Variants in NCAPD3 observed in about 807,000 individuals in gnomAD.
NCAPD3 encodes non-SMC condensin II complex subunit D3.
In NCAPD3, 105 loss-of-function variants were observed where a neutral mutation model predicts 182.9. The observed-to-expected ratio is 0.57, with a 90% CI of 0.49 to 0.68. The LOEUF (loss-of-function observed/expected upper bound fraction) is 0.68. Ranked by LOEUF, NCAPD3 falls within the 30% of genes least tolerant of loss-of-function variation. The pLI is 0.00. For missense variants in NCAPD3, 1,944 were observed against 1,837.0 expected (o/e 1.06, Z -1.07); for synonymous variants, 815 against 679.9 (o/e 1.20, Z -3.09).
intron 27 of NCAPD3, among the ~76,000 whole-genome samples, chr11:134,165,381 C>A (rs1943744419): frequency 6.7e-6 from 1 of 148,444 alleles, no homozygotes; most frequent in East Asian, 2.0e-4. Context: ...GTGAGATAAG[C>A]TTCGGGGAAG....
chr11:134,158,195 G>C (rs1173886313), intron 30 of NCAPD3, 128 bp from the exon 31 acceptor site: 1 of 1,518,490 alleles, frequency 6.6e-7, no homozygotes, highest in Non-Finnish European at 9.0e-7. Flanking sequence ...AACCTCCCAG[G>C]GCACAGTGTG....
upstream of NCAPD3, chr11:134,225,028 G>A (rs923497080): frequency 4.0e-5 from 48 of 1,198,472 alleles, no homozygotes; most frequent in Non-Finnish European, 5.1e-5. Flanking sequence ...GAGCGCGCTC[G>A]CGCATCGGGC....
intron 27 of NCAPD3, among the ~76,000 whole-genome samples, chr11:134,163,871 C>CAAAAAAA (rs60340458): frequency 2.5e-4 from 18 of 70,726 alleles, no homozygotes; most frequent in Non-Finnish European, 3.3e-4. Flanking sequence ...GATTCTGTCT[C>CAAAAAAA]AAAAAAAAAA....
At position 134,158,208 on chromosome 11, in the gene NCAPD3, G is replaced by A. The variant is rs942905949; in HGVS notation, c.4034+121C>T. The A allele has an allele frequency of 2.6e-6, 4 of 1,521,400 alleles. No individual in the cohort carries two copies. The Admixed American group carries it at 7.1e-5, about 27-fold the overall frequency. The allele number at this position is 1,521,400 out of a possible 1,614,324, so 94.2% of individuals were successfully genotyped here. ...CAAACCTCCCAGGGCACAGTGTGGA[G>A]CGGGGTGGCAGGCCAGACAATGACA... On this transcript the variant is annotated intron_variant, in intron 30 of 34. Transcript: ENST00000534548.
At chr11:134,165,502 GC>G (rs1477462107) in intron 27 of NCAPD3, among the ~76,000 whole-genome samples, 2 of 144,440 alleles carry the variant, frequency 1.4e-5, no homozygotes, top group Admixed American at 6.9e-5. Flanking sequence ...TGTGAGATGA[GC>G]TTACGGGAGC....
intron 24 of NCAPD3, chr11:134,173,118 C>G (rs1051252730): frequency 6.5e-6 from 1 of 153,698 alleles, no homozygotes; most frequent in South Asian, 1.8e-4. Flanking sequence ...CCAGCTCTAG[C>G]CCCTGTGGCC....
intron 24 of NCAPD3, among the ~76,000 whole-genome samples, chr11:134,174,638 CAGG>C (rs1944114740): frequency 1.3e-5 from 2 of 152,024 alleles, no homozygotes; most frequent in African/African-American, 4.8e-5. Flanking sequence ...TATAAAATTA[CAGG>C]AGGAGTACAG....
At chr11:134,155,351 C>T (rs1378580936) in intron 32 of NCAPD3, among the ~76,000 whole-genome samples, 3 of 152,130 alleles carry the variant, frequency 2.0e-5, no homozygotes, top group Non-Finnish European at 4.4e-5. Flanking sequence ...GAAAACAGAA[C>T]TGAGTGCTTT....
chr11:134,211,996 C>T (rs1350614636), intron 3 of NCAPD3, among the ~76,000 whole-genome samples: 1 of 152,072 alleles, frequency 6.6e-6, no homozygotes, highest in East Asian at 1.9e-4. Context: ...ATCCAAGAAG[C>T]TCAATGAACC....
intron 2 of NCAPD3, among the ~76,000 whole-genome samples, chr11:134,218,774 A>C (rs985939719): frequency 6.6e-6 from 1 of 152,148 alleles, no homozygotes; most frequent in Admixed American, 6.5e-5. Flanking sequence ...TCCAGTTCCC[A>C]AAATTGTAAC....
At chr11:134,165,762 G>C (rs1164746573) in intron 27 of NCAPD3, among the ~76,000 whole-genome samples, 1 of 146,152 alleles carries the variant, frequency 6.8e-6, no homozygotes, top group South Asian at 2.2e-4. Flanking sequence ...AGATGAGCTT[G>C]GGGGAGGTAC....
At chr11:134,163,718 AAAAGTT>A (rs1943663309) in intron 27 of NCAPD3, among the ~76,000 whole-genome samples, 1 of 149,990 alleles carries the variant, frequency 6.7e-6, no homozygotes, top group African/African-American at 2.5e-5. Context: ...AAAAAAAAAA[AAAAGTT>A]AGCCAGGCAC....
chr11:134,185,486 C>T lies in NCAPD3; in HGVS notation c.2086G>A (p.Glu696Lys), dbSNP rs1286122848. 3 of 1,611,044 alleles carry T rather than the reference C, an allele frequency of 1.9e-6. No individual in the cohort carries two copies. The highest frequency in any genetic ancestry group is 1.7e-5 in the Admixed American group (1 of 59,552). Residue 696 changes from glutamate (E) to lysine (K), a missense_variant, in exon 17 of 35, where the codon GAA becomes AAA. Around this residue, in one of 3 missense-constraint regions of NCAPD3, gnomAD observed 1,803 missense variants for 1,674.6 expected, o/e 1.08. Transcript: ENST00000534548. ...TTTATAAAAGTGGGTGAGAATTTTT[C>T]TTTCTTGGACCAGATATGAAAAGCC... is the stretch of plus-strand genomic sequence containing the variant. ...NKAFHIWSKKEKFSPTFINNV... is the reference protein window; with the variant it reads ...NKAFHIWSKKKKFSPTFINNV...
At chr11:134,224,102 C>G (rs994154897), upstream of NCAPD3, 16 of 760,502 alleles carry the variant, frequency 2.1e-5, no homozygotes, top group African/African-American at 2.8e-4. Flanking sequence ...GCCGCACGCT[C>G]AGAGAACTGG....
At chr11:134,213,710 T>G (rs750104177) in intron 3 of NCAPD3, among the ~76,000 whole-genome samples, 1 of 151,198 alleles carries the variant, frequency 6.6e-6, no homozygotes, top group African/African-American at 2.4e-5. Context: ...AACATATGGA[T>G]AGGTTACAAA....
chr11:134,185,106 G>T, intron 17 of NCAPD3, 106 bp from the exon 18 acceptor site: 1 of 1,006,570 alleles, frequency 9.9e-7, no homozygotes, highest in Non-Finnish European at 1.6e-6. Flanking sequence ...AGGGTAGGTA[G>T]CATGGCTTAG....
At chr11:134,209,291 G>C (rs771651839) in intron 5 of NCAPD3, 22 bp downstream of exon 5, 153 of 1,609,562 alleles carry the variant, frequency 9.5e-5, no homozygotes, top group Non-Finnish European at 1.3e-4. Flanking sequence ...GTTGCCCTAA[G>C]GTTCCTGGAA....
Position 134,194,659 on chromosome 11 carries a change from T to C in NCAPD3, c.1689+6A>G. 1 of 1,570,570 alleles carries C rather than the reference T, an allele frequency of 6.4e-7. No homozygotes were observed. Among genetic ancestry groups the C allele is most frequent in the Non-Finnish European group, 8.6e-7 (1 of 1,161,242 alleles). On this transcript the variant is annotated splice_donor_region_variant and intron_variant, in intron 14 of 34. Coordinates refer to ENST00000534548, the MANE Select transcript of NCAPD3 (RefSeq NM_015261.3). The stretch of plus-strand genomic sequence containing the variant: ...AAAAAAAAAAATGTGCAGAGAAAAC[T>C]CCCACCTGCAGTGCAGACTTCCTAA...
chr11:134,167,149 ACT>A (rs1416725413), intron 27 of NCAPD3, among the ~76,000 whole-genome samples: 1 of 130,400 alleles, frequency 7.7e-6, no homozygotes, highest in African/African-American at 3.1e-5. Flanking sequence ...GGAGGGGCAC[ACT>A]CACTAGTGAG....
Sources: gnomAD v4.1 joint callset for allele counts (sites outside exome capture counted in the v4.1 genomes callset) on GRCh38, gnomAD v4.1.1 for gene constraint, gnomAD v4.1.1 regional missense constraint, MANE v1.5 for transcripts, NCBI Gene and HGNC (gene_info 2026-07-23, HGNC 2026-07-21) for gene names.